Variants in CDCA2 observed in about 807,000 individuals in gnomAD.
The protein encoded by CDCA2 is cell division cycle associated 2, also known as cell division cycle-associated protein 2.
Under a neutral mutation model 67.0 loss-of-function variants are expected in CDCA2, and 44 were observed. The ratio of observed to expected loss-of-function variants is 0.66; its 90% CI spans 0.52 to 0.84. The LOEUF (loss-of-function observed/expected upper bound fraction) is 0.84. Ranked by LOEUF, CDCA2 falls within the 40% of genes least tolerant of loss-of-function variation. The pLI is 0.00. For synonymous variants in CDCA2, 447 were observed against 418.7 expected (o/e 1.07, Z -0.82); for missense variants, 1,253 against 1,203.2 (o/e 1.04, Z -0.61).
chr8:25,466,058 T>G, intron 4 of CDCA2, 117 bp from the exon 5 acceptor site: 1 of 862,982 alleles, frequency 1.2e-6, no homozygotes, highest in Non-Finnish European at 1.7e-6. Flanking sequence ...TCCTTACCGC[T>G]GATCTTCAAA....
chr8:25,468,097 G>A (rs1224490167), intron 5 of CDCA2, 120 bp from the exon 6 acceptor site: 13 of 328,142 alleles, frequency 4.0e-5, no homozygotes, highest in African/African-American at 1.9e-4. Context: ...AAGCCTGGGC[G>A]ACAAGAGTGA....
intron 7 of CDCA2, chr8:25,479,560 A>AT: frequency 3.5e-6 from 1 of 285,988 alleles, no homozygotes; most frequent in Admixed American, 4.9e-5. Flanking sequence ...CTTGGCTCAG[A>AT]TTAGTTTTTA....
chr8:25,477,311 T>C (rs1803388894), intron 7 of CDCA2, among the ~76,000 whole-genome samples: 2 of 152,222 alleles, frequency 1.3e-5, no homozygotes, highest in Admixed American at 1.3e-4. Context: ...CACTGACCAT[T>C]TCCTCTTTGT....
intron 7 of CDCA2, among the ~76,000 whole-genome samples, chr8:25,476,168 A>G (rs1803339310): frequency 6.6e-6 from 1 of 152,218 alleles, no homozygotes; most frequent in Admixed American, 6.5e-5. Context: ...TTTTGCCTGC[A>G]GATAGTTGCT....
intron 8 of CDCA2, among the ~76,000 whole-genome samples, chr8:25,481,233 CAAAAAA>C (rs11438950): frequency 7.8e-6 from 1 of 128,758 alleles, no homozygotes; most frequent in Non-Finnish European, 1.6e-5. Flanking sequence ...CAGTCTGGGA[CAAAAAA>C]AAAAAAAAAA....
At chr8:25,465,726 G>A (rs1802872040) in intron 4 of CDCA2, among the ~76,000 whole-genome samples, 2 of 152,152 alleles carry the variant, frequency 1.3e-5, no homozygotes, top group South Asian at 2.1e-4. Context: ...TCTGTGTCTC[G>A]TTCTGGCCCC....
intron 5 of CDCA2, 72 bp from the exon 6 acceptor site, chr8:25,468,145 G>GA (rs369932212): frequency 3.5e-5 from 12 of 344,568 alleles, no homozygotes; most frequent in East Asian, 6.8e-5. Context: ...AAAAAGAAAA[G>GA]AAAAAAAATA....
chr8:25,507,112 A>G lies in CDCA2; in HGVS notation c.2446A>G (p.Met816Val), dbSNP rs775305771. 3.1e-6 allele frequency: 5 copies of G among 1,614,100 alleles called. No homozygotes were observed. Among genetic ancestry groups the G allele is most frequent in the African/African-American group, 2.7e-5 (2 of 74,938 alleles). ...SQSEDLGRKP[M>V]ESSSVVSCRD... ...GAGTGAGGATTTGGGAAGAAAACCC[A>G]TGGAAAGTAGCAGTGTTGTGAGTTG... Residue 816 changes from methionine to valine, a missense_variant, in exon 15 of 15, where the codon ATG (methionine) becomes GTG (valine). Met to Val is a conservative substitution (Grantham distance 21, BLOSUM62 1). Coordinates refer to ENST00000330560, the MANE Select transcript of CDCA2 (RefSeq NM_152562.4).
intron 7 of CDCA2, among the ~76,000 whole-genome samples, chr8:25,470,674 C>T (rs950832670): frequency 3.9e-5 from 6 of 152,236 alleles, no homozygotes; most frequent in African/African-American, 1.2e-4. Flanking sequence ...CCAGCCATGG[C>T]TTTTATGATC....
intron 13 of CDCA2, among the ~76,000 whole-genome samples, chr8:25,502,451 G>A (rs530092538): frequency 1.3e-5 from 2 of 151,856 alleles, no homozygotes; most frequent in South Asian, 4.2e-4. Context: ...AATTTTTATG[G>A]AAACCTACAT....
chr8:25,466,105 G>A (rs752066980), intron 4 of CDCA2, 70 bp from the exon 5 acceptor site: 29 of 1,429,374 alleles, frequency 2.0e-5, no homozygotes, highest in Non-Finnish European at 2.7e-5. Context: ...TGGATTCAAT[G>A]GCTGTAGGCC....
At chr8:25,483,747 A>G (rs1436197702) in intron 9 of CDCA2, among the ~76,000 whole-genome samples, 1 of 152,064 alleles carries the variant, frequency 6.6e-6, no homozygotes, top group Non-Finnish European at 1.5e-5. Flanking sequence ...TAATATGCAA[A>G]TTTTTACTTG....
intron 13 of CDCA2, among the ~76,000 whole-genome samples, chr8:25,500,148 C>CCATTCATT (rs202038975): frequency 6.6e-6 from 1 of 151,962 alleles, no homozygotes; most frequent in Admixed American, 6.6e-5. Flanking sequence ...ACTTCTTTGA[C>CCATTCATT]CATTCATTCA....
chr8:25,506,472 C>T, intron 14 of CDCA2, 38 bp from the exon 15 acceptor site: 1 of 1,492,570 alleles, frequency 6.7e-7, no homozygotes, highest in South Asian at 1.4e-5. Context: ...CCCATTGTTA[C>T]TTTTTAATTA....
intron 6 of CDCA2, among the ~76,000 whole-genome samples, chr8:25,469,298 G>T (rs1803058460): frequency 6.6e-6 from 1 of 152,172 alleles, no homozygotes; most frequent in African/African-American, 2.4e-5. Flanking sequence ...GGTTTCCTTT[G>T]TATTTCAGTC....
At chr8:25,499,721 T>G (rs151010946) in intron 13 of CDCA2, among the ~76,000 whole-genome samples, 192 of 152,352 alleles carry the variant, frequency 1.3e-3, no homozygotes, top group African/African-American at 3.9e-3. Context: ...CTTCACTGTG[T>G]GAGAAGAGGA....
chr8:25,494,179 G>A (rs1171635295), intron 13 of CDCA2, among the ~76,000 whole-genome samples: 1 of 152,042 alleles, frequency 6.6e-6, no homozygotes, highest in Non-Finnish European at 1.5e-5. Context: ...AACACTCAGG[G>A]CTGGGTGAGG....
chr8:25,468,622 A>C lies in CDCA2; in HGVS notation c.735+209A>C, dbSNP rs573332079. Among the ~76,000 whole-genome samples, 10 of 151,680 alleles carry C rather than the reference A, an allele frequency of 6.6e-5. No homozygotes were observed. The East Asian group carries it at 1.9e-3, about 30-fold the overall frequency. ...TTGCTGGTATTTATCACTTATTAGA[A>C]ACAGTTTGGATAATGATCTCACTTT... is the stretch of plus-strand genomic sequence containing the variant. On this transcript the variant is annotated intron_variant, in intron 6 of 14. Transcript: ENST00000330560.
chr8:25,478,738 G>C (rs986244779), intron 7 of CDCA2, among the ~76,000 whole-genome samples: 1 of 152,016 alleles, frequency 6.6e-6, no homozygotes, highest in African/African-American at 2.4e-5. Context: ...CTAGATCTAT[G>C]TGTGGTTCGC....
Sources: gnomAD v4.1 joint callset for allele counts (sites outside exome capture counted in the v4.1 genomes callset) on GRCh38, gnomAD v4.1.1 for gene constraint, MANE v1.5 for transcripts, NCBI Gene and HGNC (gene_info 2026-07-23, HGNC 2026-07-21) for gene names.